The following KIF1B variants were observed in gnomAD, a reference collection of about 807,000 sequenced individuals.
KIF1B encodes the protein kinesin-like protein KIF1B.
Under a neutral mutation model 241.9 loss-of-function variants are expected in KIF1B, and 76 were observed. That is an observed-to-expected ratio of 0.31 (90% CI 0.26 to 0.38). The LOEUF (loss-of-function observed/expected upper bound fraction) is 0.38, where lower values mean the gene tolerates loss of function less well. KIF1B is among the 10% of genes least tolerant of loss of function. The pLI is 1.00. For synonymous variants in KIF1B, 750 were observed against 796.7 expected (o/e 0.94, Z 0.99); for missense variants, 1,622 against 2,271.4 (o/e 0.71, Z 5.81).
At chr1:10,239,256 C>T (rs576210747) in intron 2 of KIF1B, among the ~76,000 whole-genome samples, 8 of 152,266 alleles carry the variant, frequency 5.3e-5, no homozygotes, top group South Asian at 4.1e-4. Flanking sequence ...AATGTCACCA[C>T]GCAGAGAGAA....
intron 9 of KIF1B, chr1:10,272,563 T>C (rs1002268604): frequency 3.7e-6 from 2 of 546,022 alleles, no homozygotes; most frequent in Non-Finnish European, 3.3e-6. Flanking sequence ...TTGACTCATT[T>C]TTTTGAGCCT....
rs12402052 is a variant in KIF1B, at chr1:10,258,594, C to T, written c.285C>T (p.Ala95=). The T allele has an allele frequency of 2.2e-5, 36 of 1,613,808 alleles. No homozygotes were observed. Among genetic ancestry groups the T allele is most frequent in the Non-Finnish European group, 2.8e-5 (33 of 1,179,962 alleles). ...AGGGATATAATGTCTGTATTTTTGCCTATGGGCAGACTGGTGCTGGAAAAT... is the reference window on the plus strand; with the variant it reads ...AGGGATATAATGTCTGTATTTTTGCTTATGGGCAGACTGGTGCTGGAAAAT... ...AFEGYNVCIF[A]YGQTGAGKSY... Residue 95 remains alanine, a synonymous_variant, in exon 4 of 49, where the codon GCC becomes GCT. Coordinates refer to ENST00000676179, the MANE Select transcript of KIF1B (RefSeq NM_001365951.3).
chr1:10,331,848 G>T (rs1321047472), intron 27 of KIF1B, among the ~76,000 whole-genome samples: 1 of 152,154 alleles, frequency 6.6e-6, no homozygotes, highest in African/African-American at 2.4e-5. Context: ...CTAGCTTTGT[G>T]ACCACCAGTT....
intron 22 of KIF1B, among the ~76,000 whole-genome samples, chr1:10,313,074 G>GT (rs1474736585): frequency 2.0e-5 from 3 of 150,828 alleles, no homozygotes; most frequent in African/African-American, 7.4e-5. Context: ...TTTGTTTTTT[G>GT]TTTTTTTATT....
chr1:10,250,341 CTTT>C (rs36075139), intron 2 of KIF1B, among the ~76,000 whole-genome samples: 2 of 143,020 alleles, frequency 1.4e-5, no homozygotes. Flanking sequence ...TATTTCTTAA[CTTT>C]TTTTTTTTTT....
chr1:10,338,142 A>G (rs1416212776), intron 31 of KIF1B, among the ~76,000 whole-genome samples: 2 of 151,964 alleles, frequency 1.3e-5, no homozygotes, highest in African/African-American at 2.4e-5. Flanking sequence ...CCAAACTTCA[A>G]TTTGTCTTTT....
intron 2 of KIF1B, among the ~76,000 whole-genome samples, chr1:10,246,183 C>T (rs1201423730): frequency 1.3e-5 from 2 of 152,086 alleles, no homozygotes; most frequent in Non-Finnish European, 2.9e-5. Context: ...TTGTTTTTTC[C>T]CTTCCTGACC....
chr1:10,259,489 AT>A (rs1337703462), intron 4 of KIF1B, among the ~76,000 whole-genome samples: 1 of 142,120 alleles, frequency 7.0e-6, no homozygotes, highest in African/African-American at 2.7e-5. Flanking sequence ...TCATTTTTAA[AT>A]TAAAAAAAAA....
chr1:10,295,510 G>A, intron 18 of KIF1B, 150 bp from the exon 19 acceptor site: 2 of 723,956 alleles, frequency 2.8e-6, no homozygotes, highest in South Asian at 1.5e-5. Flanking sequence ...TCATATGTGA[G>A]GATAGAATTC....
At chr1:10,265,864 A>G (rs1368427481) in intron 5 of KIF1B, among the ~76,000 whole-genome samples, 6 of 152,148 alleles carry the variant, frequency 3.9e-5, no homozygotes, top group Non-Finnish European at 2.9e-5. Flanking sequence ...AATATATAAA[A>G]ATAAAATACA....
intron 38 of KIF1B, among the ~76,000 whole-genome samples, chr1:10,353,800 G>A (rs1652883435): frequency 6.6e-6 from 1 of 152,168 alleles, no homozygotes; most frequent in Non-Finnish European, 1.5e-5. Context: ...GGGTACATAT[G>A]TATGTCTGGG....
chr1:10,238,945 T>C (rs955270699), intron 2 of KIF1B, among the ~76,000 whole-genome samples: 2 of 151,984 alleles, frequency 1.3e-5, no homozygotes, highest in African/African-American at 4.8e-5. Flanking sequence ...TTTCTTTCAG[T>C]TTTTTTGTTT....
chr1:10,298,443 T>C (rs1650375656), intron 22 of KIF1B, among the ~76,000 whole-genome samples: 1 of 152,324 alleles, frequency 6.6e-6, no homozygotes, highest in East Asian at 1.9e-4. Context: ...TTGTAAATTA[T>C]AGTAAAGCCC....
At chr1:10,338,744 G>A (rs572885985) in intron 31 of KIF1B, among the ~76,000 whole-genome samples, 61 of 152,290 alleles carry the variant, frequency 4.0e-4, no homozygotes, top group Non-Finnish European at 7.1e-4. Context: ...TTTTATAGTC[G>A]CTCCTCTGGC....
intron 38 of KIF1B, among the ~76,000 whole-genome samples, chr1:10,359,009 A>T (rs1396012357): frequency 6.6e-6 from 1 of 152,190 alleles, no homozygotes; most frequent in Non-Finnish European, 1.5e-5. Context: ...CAAAGACTAG[A>T]CATTTGAGAG....
chr1:10,308,085 A>G (rs895087966), intron 22 of KIF1B: 1 of 1,060,316 alleles, frequency 9.4e-7, no homozygotes, highest in African/African-American at 1.6e-5. Context: ...CTGTTTTACT[A>G]CCGGAAGTTA....
intron 14 of KIF1B, among the ~76,000 whole-genome samples, chr1:10,280,887 C>G (rs1209835110): frequency 6.6e-6 from 1 of 152,156 alleles, no homozygotes; most frequent in Non-Finnish European, 1.5e-5. Context: ...AGCCCTGACT[C>G]CTTCTCAGTT....
intron 2 of KIF1B, among the ~76,000 whole-genome samples, chr1:10,238,354 C>A (rs936305445): frequency 2.2e-5 from 3 of 136,270 alleles, no homozygotes; most frequent in African/African-American, 8.8e-5. Flanking sequence ...GCACTCCATC[C>A]TGGGCGACAA....
chr1:10,355,205 T>G (rs1244406591), intron 38 of KIF1B, among the ~76,000 whole-genome samples: 2 of 152,226 alleles, frequency 1.3e-5, no homozygotes, highest in South Asian at 4.1e-4. Flanking sequence ...AAGTCCTCTA[T>G]GGAATTGTGT....
Sources: gnomAD v4.1 joint callset for allele counts (sites outside exome capture counted in the v4.1 genomes callset) on GRCh38, gnomAD v4.1.1 for gene constraint, MANE v1.5 for transcripts, NCBI Gene and HGNC (gene_info 2026-07-23, HGNC 2026-07-21) for gene names.